The following KCTD16 variants were observed in gnomAD, a reference collection of about 807,000 sequenced individuals.
KCTD16 encodes the protein potassium channel tetramerization domain containing 16.
A neutral mutation model predicts 33.2 loss-of-function variants in KCTD16; 13 were observed. That is an observed-to-expected ratio of 0.39 (90% CI 0.25 to 0.62). The LOEUF (loss-of-function observed/expected upper bound fraction) is 0.62, where lower values mean the gene tolerates loss of function less well. Ranked by LOEUF, KCTD16 falls within the 20% of genes least tolerant of loss-of-function variation. The pLI, the probability that KCTD16 is intolerant of heterozygous loss-of-function variation, is 0.50. For synonymous variants in KCTD16, 197 were observed against 195.3 expected (o/e 1.01, Z -0.07); for missense variants, 441 against 525.1 (o/e 0.84, Z 1.57).
intron 3 of KCTD16, among the ~76,000 whole-genome samples, chr5:144,327,665 T>TA (rs1339358359): frequency 6.6e-6 from 1 of 152,272 alleles, no homozygotes; most frequent in African/African-American, 2.4e-5. Context: ...ACACATGAAT[T>TA]AAAAAAATGA....
chr5:144,341,844 A>C (rs1752654550), intron 3 of KCTD16, among the ~76,000 whole-genome samples: 2 of 152,330 alleles, frequency 1.3e-5, no homozygotes, highest in South Asian at 2.1e-4. Context: ...GGAAATAGAA[A>C]TGTTACTTTC....
rs149810161 is a variant in KCTD16, at chr5:144,326,112, T to A, written c.832+118566T>A. Among the ~76,000 whole-genome samples the A allele has an allele frequency of 6.3e-3, 953 of 152,266 alleles. 6 individuals carry two copies. The highest frequency in any genetic ancestry group is 9.4e-3 in the Non-Finnish European group (640 of 68,020). ...TTCTCAGAGAACTCAACTCAGGTCATCCATGAAAACAAGTATATTTTATAA... is the reference window on the plus strand; with the variant it reads ...TTCTCAGAGAACTCAACTCAGGTCAACCATGAAAACAAGTATATTTTATAA... On this transcript the variant is annotated intron_variant, in intron 3 of 3. Transcript: ENST00000512467.
Position 144,243,845 on chromosome 5 carries a change from G to A in KCTD16, c.832+36299G>A, listed in dbSNP as rs528461005. ...TGCAACCTCCGCCTCCTGGGTTCAA[G>A]TGATTCTCCTGCCTCAGCCTCCTGA... On this transcript the variant is annotated intron_variant, in intron 3 of 3. Coordinates refer to ENST00000512467, the MANE Select transcript of KCTD16 (RefSeq NM_020768.4). 4.1e-3 allele frequency among the ~76,000 whole-genome samples: 618 copies of A among 152,252 alleles called. 1 individual carries two copies. Among genetic ancestry groups the A allele is most frequent in the Middle Eastern group, 6.8e-3 (2 of 294 alleles).
intron 3 of KCTD16, among the ~76,000 whole-genome samples, chr5:144,427,719 G>A (rs930379747): frequency 3.9e-5 from 6 of 151,984 alleles, no homozygotes; most frequent in Non-Finnish European, 7.4e-5. Context: ...CAGGTGATTC[G>A]AAGAAACAGC....
At chr5:144,193,809 T>C (rs1285811907) in intron 2 of KCTD16, among the ~76,000 whole-genome samples, 2 of 152,124 alleles carry the variant, frequency 1.3e-5, no homozygotes, top group Admixed American at 1.3e-4. Context: ...AGAAGAGATA[T>C]CTGAAAGAAG....
intron 3 of KCTD16, among the ~76,000 whole-genome samples, chr5:144,336,264 C>T (rs1752490503): frequency 6.6e-6 from 1 of 152,204 alleles, no homozygotes; most frequent in Admixed American, 6.5e-5. Flanking sequence ...GACCTTACTC[C>T]CTGGTGCCTG....
intron 3 of KCTD16, among the ~76,000 whole-genome samples, chr5:144,298,475 G>C (rs553870822): frequency 6.6e-6 from 1 of 152,190 alleles, no homozygotes; most frequent in African/African-American, 2.4e-5. Context: ...AGGGATGCTG[G>C]TGGCTATTGG....
intron 3 of KCTD16, among the ~76,000 whole-genome samples, chr5:144,362,681 G>A (rs967624053): frequency 2.0e-5 from 3 of 152,136 alleles, no homozygotes; most frequent in African/African-American, 7.2e-5. Context: ...CTGGCACCTA[G>A]TAAGTACTCC....
intron 3 of KCTD16, among the ~76,000 whole-genome samples, chr5:144,401,701 TACTC>T (rs1752708244): frequency 1.3e-5 from 2 of 152,228 alleles, no homozygotes; most frequent in African/African-American, 2.4e-5. Flanking sequence ...TTCATCCAAT[TACTC>T]ACTTGTGAAT....
chr5:144,346,847 G>A (rs1230964480), intron 3 of KCTD16, among the ~76,000 whole-genome samples: 2 of 152,188 alleles, frequency 1.3e-5, no homozygotes, highest in Non-Finnish European at 1.5e-5. Context: ...TTGTGCAGAA[G>A]CGTTTTAACT....
chr5:144,245,554 G>A (rs191675527), intron 3 of KCTD16, among the ~76,000 whole-genome samples: 38 of 152,220 alleles, frequency 2.5e-4, no homozygotes, highest in Admixed American at 2.0e-3. Flanking sequence ...GAGGAAGTGG[G>A]GCTGATGTGG....
intron 2 of KCTD16, among the ~76,000 whole-genome samples, chr5:144,189,897 C>T (rs1425278599): frequency 6.6e-6 from 1 of 152,148 alleles, no homozygotes; most frequent in African/African-American, 2.4e-5. Context: ...TATGTGGCCT[C>T]TGTGTCAGAA....
intron 1 of KCTD16, 146 bp downstream of exon 1, chr5:144,171,155 A>C (rs2126766880): frequency 6.6e-6 from 1 of 152,270 alleles, no homozygotes; most frequent in African/African-American, 2.4e-5. Flanking sequence ...ACCCACCTGG[A>C]GTTGGTGGTG....
At chr5:144,389,859 G>T (rs922511624) in intron 3 of KCTD16, among the ~76,000 whole-genome samples, 1 of 152,300 alleles carries the variant, frequency 6.6e-6, no homozygotes, top group East Asian at 1.9e-4. Context: ...TTTAGGTTCA[G>T]AACTAATTTG....
chr5:144,221,145 T>G (rs577520260), intron 3 of KCTD16, among the ~76,000 whole-genome samples: 1 of 152,274 alleles, frequency 6.6e-6, no homozygotes, highest in East Asian at 1.9e-4. Flanking sequence ...ATACCACATA[T>G]GTAAAGTGGC....
At position 144,261,699 on chromosome 5, in the gene KCTD16, G is replaced by T. The variant is rs532057603; in HGVS notation, c.832+54153G>T. ...TCCTTGCAGTTTCACTGCACATCCGGGCTTATTGCAACCCTTGGCAAGTGC... is the reference window on the plus strand; with the variant it reads ...TCCTTGCAGTTTCACTGCACATCCGTGCTTATTGCAACCCTTGGCAAGTGC... On this transcript the variant is annotated intron_variant, in intron 3 of 3. Transcript: ENST00000512467. Among the ~76,000 whole-genome samples the T allele has an allele frequency of 3.5e-4, 54 of 152,232 alleles. 3 individuals carry two copies. The South Asian group carries it at 0.011, about 31-fold the overall frequency.
chr5:144,419,546 T>C (rs1418286010), intron 3 of KCTD16, among the ~76,000 whole-genome samples: 1 of 152,138 alleles, frequency 6.6e-6, no homozygotes, highest in Non-Finnish European at 1.5e-5. Flanking sequence ...TTCTTCCTCT[T>C]CTGCTGCTGG....
At position 144,307,726 on chromosome 5, in the gene KCTD16, G is replaced by C. The variant is rs1051093190; in HGVS notation, c.832+100180G>C. Among the ~76,000 whole-genome samples the C allele has an allele frequency of 3.9e-5, 6 of 152,304 alleles. No individual in the cohort carries two copies. In the East Asian group the frequency reaches 5.8e-4, roughly 15 times the overall value. On this transcript the variant is annotated intron_variant, in intron 3 of 3. Transcript: ENST00000512467. ...ATGCTGAATTGATTCAGATTACATA[G>C]CCATTTAATTTTAAGAATTTATGTA...
intron 3 of KCTD16, among the ~76,000 whole-genome samples, chr5:144,317,709 C>A (rs540883953): frequency 6.6e-6 from 1 of 152,302 alleles, no homozygotes; most frequent in East Asian, 1.9e-4. Context: ...GTTGGGTCTC[C>A]TTCTTCTGAT....
Sources: gnomAD v4.1 joint callset for allele counts (sites outside exome capture counted in the v4.1 genomes callset) on GRCh38, gnomAD v4.1.1 for gene constraint, MANE v1.5 for transcripts, NCBI Gene and HGNC (gene_info 2026-07-23, HGNC 2026-07-21) for gene names.